The following FGF13 variants were observed in gnomAD, a reference collection of about 807,000 sequenced individuals.
FGF13 encodes fibroblast growth factor homologous factor 2.
A neutral mutation model predicts 19.5 loss-of-function variants in FGF13; 2 were observed. The observed-to-expected ratio is 0.10, with a 90% CI of 0.04 to 0.32. The LOEUF (loss-of-function observed/expected upper bound fraction) is 0.32. Ranked by LOEUF, FGF13 falls within the 10% of genes least tolerant of loss-of-function variation. The pLI is 1.00. For synonymous variants in FGF13, 72 were observed against 76.9 expected (o/e 0.94, Z 0.33); for missense variants, 113 against 192.7 (o/e 0.59, Z 2.45).
intron 3 of FGF13, among the ~76,000 whole-genome samples, chrX:138,688,202 A>G (rs1330388467): frequency 1.8e-5 from 2 of 108,414 alleles, no homozygotes; most frequent in African/African-American, 6.8e-5. Context: ...TGACCTTGTG[A>G]TCTGCCCACC....
chrX:138,636,213 T>C (rs915120938), intron 3 of FGF13, among the ~76,000 whole-genome samples: 22 of 111,940 alleles, frequency 2.0e-4, no homozygotes, highest in African/African-American at 3.9e-4. Context: ...TTTTGGATCA[T>C]TGGACCTTGA....
chrX:139,062,172 T>C (rs1417723217), intron 1 of FGF13, among the ~76,000 whole-genome samples: 1 of 111,600 alleles, frequency 9.0e-6, no homozygotes, highest in Non-Finnish European at 1.9e-5. Context: ...CCCCATGTTT[T>C]CCTCTAGTAG....
At chrX:139,170,920 G>C (rs184900182) in intron 1 of FGF13, among the ~76,000 whole-genome samples, 1 of 111,623 alleles carries the variant, frequency 9.0e-6, no homozygotes, top group Non-Finnish European at 1.9e-5. Flanking sequence ...AAAAAAGTGC[G>C]TTCTGTTAGC....
downstream of FGF13, among the ~76,000 whole-genome samples, chrX:138,855,507 G>T (rs754856561): frequency 9.0e-6 from 1 of 111,644 alleles, no homozygotes; most frequent in African/African-American, 3.2e-5. Context: ...GTGGCAGGAG[G>T]ACCTGGAAGG....
At position 138,627,764 on chromosome X, in the gene FGF13, A is replaced by C. The variant is rs765368056; in HGVS notation, c.*5086T>G. 3 of 110,821 alleles carry C rather than the reference A, an allele frequency of 2.7e-5. No homozygotes were observed. The highest frequency in any genetic ancestry group is 5.7e-4 in the East Asian group (2 of 3,539). The allele number at this position is 110,821 out of a possible 1,213,427, so 9.1% of individuals were successfully genotyped here. A position where few individuals can be genotyped will look rare whatever the true frequency, so the allele number is the denominator to read the frequency against. Reference sequence around the variant, plus strand: ...AATTCTAAAACTGAAAATCATCCACATTGTGTGTTCTAGAAAGACTTCCTG... The same window carrying C: ...AATTCTAAAACTGAAAATCATCCACCTTGTGTGTTCTAGAAAGACTTCCTG... On this transcript the variant is annotated 3_prime_UTR_variant, in exon 5 of 5. Transcript: ENST00000315930.
chrX:139,204,096 C>T, upstream of FGF13: 3 of 1,210,900 alleles, frequency 2.5e-6, no homozygotes, highest in Non-Finnish European at 3.4e-6. Context: ...GCTTGGTCAC[C>T]TTTCCACTCA....
At chrX:138,839,622 T>C (rs1438966304) in intron 3 of FGF13, among the ~76,000 whole-genome samples, 1 of 111,896 alleles carries the variant, frequency 8.9e-6, no homozygotes, top group Non-Finnish European at 1.9e-5. Flanking sequence ...CAAGCAGATT[T>C]GAATGCATAC....
At chrX:138,642,399 C>T (rs1445275856) in intron 3 of FGF13, among the ~76,000 whole-genome samples, 1 of 111,479 alleles carries the variant, frequency 9.0e-6, no homozygotes, top group African/African-American at 3.3e-5. Context: ...TCTATTAGAC[C>T]GATTTTTGTA....
intron 1 of FGF13, among the ~76,000 whole-genome samples, chrX:138,717,806 A>C (rs1404901017): frequency 9.0e-6 from 1 of 110,576 alleles, no homozygotes; most frequent in African/African-American, 3.3e-5. Flanking sequence ...CTAAGGTCTC[A>C]CTTTGTTGCC....
chrX:138,736,412 T>C (rs764880052), intron 1 of FGF13, among the ~76,000 whole-genome samples: 1 of 112,005 alleles, frequency 8.9e-6, no homozygotes, highest in South Asian at 3.7e-4. Flanking sequence ...AGAAATATTT[T>C]CTAGTGGTCT....
chrX:138,801,556 G>A (rs748942610), intron 3 of FGF13, among the ~76,000 whole-genome samples: 16 of 111,911 alleles, frequency 1.4e-4, no homozygotes, highest in Non-Finnish European at 1.9e-4. Context: ...CAGGAGGCAC[G>A]GGGTTCAGGG....
intron 1 of FGF13, among the ~76,000 whole-genome samples, chrX:138,736,171 T>A (rs1339857930): frequency 8.9e-6 from 1 of 111,863 alleles, no homozygotes; most frequent in Non-Finnish European, 1.9e-5. Context: ...TTTTGAATAC[T>A]CTCCTTCCTT....
intron 3 of FGF13, among the ~76,000 whole-genome samples, chrX:138,644,096 G>A (rs1470734522): frequency 1.8e-5 from 2 of 111,310 alleles, no homozygotes; most frequent in African/African-American, 6.5e-5. Context: ...GCTGTTGCAA[G>A]CACTTGACTA....
In FGF13 at chrX:138,625,086, A is replaced by T. The variant is rs753442540; in HGVS notation, c.*7764T>A. Reference sequence around the variant, plus strand: ...ATGGCCAACATATATCTGAAAAGGTACTTAACATCATTAATCATAAGGGAA... The same window carrying T: ...ATGGCCAACATATATCTGAAAAGGTTCTTAACATCATTAATCATAAGGGAA... On this transcript the variant is annotated 3_prime_UTR_variant, in exon 5 of 5. Coordinates refer to ENST00000315930, the MANE Select transcript of FGF13 (RefSeq NM_004114.5). The T allele has an allele frequency of 5.0e-4, 56 of 110,993 alleles. No individual in the cohort carries two copies. The highest frequency in any genetic ancestry group is 1.5e-3 in the African/African-American group (46 of 30,568). The allele number at this position is 110,993 out of a possible 1,213,427, so 9.1% of individuals were successfully genotyped here.
intron 1 of FGF13, among the ~76,000 whole-genome samples, chrX:139,134,242 C>T (rs1245129761): frequency 9.0e-6 from 1 of 111,638 alleles, no homozygotes; most frequent in African/African-American, 3.3e-5. Context: ...TTTCCCATTC[C>T]TCAATACAGC....
chrX:138,786,835 A>T (rs1038907132), intron 3 of FGF13, among the ~76,000 whole-genome samples: 13 of 111,959 alleles, frequency 1.2e-4, no homozygotes, highest in Non-Finnish European at 1.3e-4. Context: ...CCACAATTCC[A>T]TCATTAGTTT....
intron 3 of FGF13, among the ~76,000 whole-genome samples, chrX:138,796,244 C>G (rs933082445): frequency 9.1e-6 from 1 of 110,351 alleles, no homozygotes; most frequent in Non-Finnish European, 1.9e-5. Context: ...CCGATAGGCC[C>G]GGTGTGTGAT....
At chrX:138,901,816 C>A (rs1247322380) in intron 1 of FGF13, among the ~76,000 whole-genome samples, 1 of 111,795 alleles carries the variant, frequency 8.9e-6, no homozygotes, top group Non-Finnish European at 1.9e-5. Context: ...TAAAAGGATA[C>A]ACTGTAGTTT....
chrX:138,835,421 G>T lies in FGF13; in HGVS notation c.217+22091C>A, dbSNP rs1033838920. Among the ~76,000 whole-genome samples the T allele has an allele frequency of 9.9e-5, 11 of 111,628 alleles. No homozygotes were observed. In the Admixed American group the frequency reaches 1.0e-3, roughly 11 times the overall value. ...ATTATGCGATGCGGATTTTTGTTTT[G>T]TTTTGTTTTTTGATCTTCATTGGGT... On this transcript the variant is annotated intron_variant, in intron 3 of 6. Coordinates refer to the FGF13 transcript ENST00000436198.
Sources: gnomAD v4.1 joint callset for allele counts (sites outside exome capture counted in the v4.1 genomes callset) on GRCh38, gnomAD v4.1.1 for gene constraint, MANE v1.5 for transcripts, NCBI Gene and HGNC (gene_info 2026-07-23, HGNC 2026-07-21) for gene names.